The following SCN1A variants were observed in gnomAD, a reference collection of about 807,000 sequenced individuals.
SCN1A encodes sodium voltage-gated channel alpha subunit 1.
SCN1A carries 13 observed loss-of-function variants against 193.7 expected under a neutral mutation model. That is an observed-to-expected ratio of 0.07 (90% CI 0.04 to 0.11). The LOEUF (loss-of-function observed/expected upper bound fraction) is 0.11. Among genes scored for constraint, SCN1A ranks in the 10% least tolerant of loss-of-function variants. The probability of loss-of-function intolerance (pLI) is 1.00; values close to 1 mark genes in which losing one functional copy is unlikely to be tolerated. For synonymous variants in SCN1A, 781 were observed against 843.6 expected (o/e 0.93, Z 1.29); for missense variants, 1,432 against 2,451.1 (o/e 0.58, Z 8.78).
At chr2:166,040,109 G>T (rs1696972609) in intron 16 of SCN1A, among the ~76,000 whole-genome samples, 3 of 151,764 alleles carry the variant, frequency 2.0e-5, no homozygotes, top group Admixed American at 1.3e-4. Context: ...TAGTAGAGAC[G>T]GGGTTTCACC....
intron 6 of SCN1A, among the ~76,000 whole-genome samples, chr2:166,056,165 A>C (rs367881289): frequency 2.0e-5 from 3 of 152,012 alleles, no homozygotes; most frequent in African/African-American, 7.2e-5. Context: ...GTAGATTTTA[A>C]AGAAAAAGGG....
In SCN1A at chr2:166,002,296, T is replaced by C. The variant is rs918817780; in HGVS notation, c.4284+176A>G. ...TCACTACTGACTATATCTGCAGTCCTTACATGTAATAAAGTTTTCACCCAT... is the reference window on the plus strand; with the variant it reads ...TCACTACTGACTATATCTGCAGTCCCTACATGTAATAAAGTTTTCACCCAT... On this transcript the variant is annotated intron_variant, in intron 24 of 28. Coordinates refer to ENST00000674923, the MANE Select transcript of SCN1A (RefSeq NM_001165963.4). 2.0e-5 allele frequency among the ~76,000 whole-genome samples: 3 copies of C among 151,760 alleles called. No homozygotes were observed. The East Asian group carries it at 5.8e-4, about 29-fold the overall frequency.
Position 165,991,143 on chromosome 2 carries a change from T to C in SCN1A, c.*102A>G. On this transcript the variant is annotated 3_prime_UTR_variant, in exon 29 of 29. Transcript: ENST00000674923. ...CTTAAGGAGATTTGTGTAAAAACAG[T>C]CAGTTTGGCATTGACCTCCTAAAGG... 1 of 1,026,006 alleles carries C rather than the reference T, an allele frequency of 9.7e-7. No individual in the cohort carries two copies. 63.6% of individuals were successfully genotyped at this position (1,026,006 alleles called of 1,614,324 possible).
intron 4 of SCN1A, chr2:166,059,625 T>C (rs1683071069): frequency 6.6e-6 from 1 of 152,212 alleles, no homozygotes; most frequent in African/African-American, 2.4e-5. Context: ...AAGAGCATAT[T>C]TGGGGAAGGA....
chr2:166,042,471 T>A (rs1249173689), intron 14 of SCN1A, 47 bp from the exon 15 acceptor site: 2 of 1,590,648 alleles, frequency 1.3e-6, no homozygotes, highest in African/African-American at 2.7e-5. Context: ...TTGAGCAATA[T>A]GACAAGCAAA....
At chr2:166,055,796 A>G (rs1699071827) in intron 6 of SCN1A, among the ~76,000 whole-genome samples, 1 of 152,026 alleles carries the variant, frequency 6.6e-6, no homozygotes, top group African/African-American at 2.4e-5. Context: ...TATCCCCAGA[A>G]CAGAGAGATC....
intron 1 of SCN1A, among the ~76,000 whole-genome samples, chr2:166,137,896 G>A (rs1306178433): frequency 6.6e-6 from 1 of 152,184 alleles, no homozygotes; most frequent in African/African-American, 2.4e-5. Context: ...CCAAAATGCT[G>A]ATAATGATAT....
At chr2:166,056,090 G>A (rs1393893563) in intron 6 of SCN1A, among the ~76,000 whole-genome samples, 5 of 151,976 alleles carry the variant, frequency 3.3e-5, no homozygotes, top group Non-Finnish European at 5.9e-5. Context: ...GAATTTAACT[G>A]GAACCAATGT....
chr2:166,073,250 G>T, intron 4 of SCN1A, 108 bp downstream of exon 4: 1 of 1,327,112 alleles, frequency 7.5e-7, no homozygotes, highest in Non-Finnish European at 1.1e-6. Flanking sequence ...TTCTTAAACA[G>T]AAGGATACTT....
chr2:166,035,574 T>C (rs1696221942), intron 19 of SCN1A, among the ~76,000 whole-genome samples: 1 of 152,194 alleles, frequency 6.6e-6, no homozygotes, highest in Admixed American at 6.5e-5. Context: ...TTGAAAATAT[T>C]GTACATCAAA....
chr2:166,062,786 A>T (rs1380939677), intron 4 of SCN1A, among the ~76,000 whole-genome samples: 3 of 152,130 alleles, frequency 2.0e-5, no homozygotes, highest in Non-Finnish European at 4.4e-5. Flanking sequence ...GTGACTTTTT[A>T]AAAACTTTTT....
intron 2 of SCN1A, among the ~76,000 whole-genome samples, chr2:166,103,090 G>A (rs1032679922): frequency 7.5e-6 from 1 of 133,450 alleles, no homozygotes; most frequent in African/African-American, 2.7e-5. Flanking sequence ...TATATATGAC[G>A]GTTTCTGTTC....
intron 24 of SCN1A, among the ~76,000 whole-genome samples, chr2:166,000,937 TG>T (rs1690743282): frequency 6.6e-6 from 1 of 151,400 alleles, no homozygotes; most frequent in African/African-American, 2.4e-5. Context: ...AATAGCTTTG[TG>T]CAGGACCATC....
At chr2:166,128,094 C>T (rs989184311), upstream of SCN1A, 2 of 150,196 alleles carry the variant, frequency 1.3e-5, no homozygotes, top group African/African-American at 2.4e-5. Flanking sequence ...TACATTACAT[C>T]GCCATCTAGT....
intron 2 of SCN1A, among the ~76,000 whole-genome samples, chr2:166,113,540 A>G (rs1178424923): frequency 1.4e-5 from 2 of 144,378 alleles, no homozygotes; most frequent in Admixed American, 7.4e-5. Context: ...TTTAGCTTGA[A>G]CAACCGATAT....
chr2:166,079,609 T>C (rs915864841), intron 2 of SCN1A, among the ~76,000 whole-genome samples: 4 of 150,806 alleles, frequency 2.7e-5, no homozygotes, highest in Non-Finnish European at 4.4e-5. Flanking sequence ...GTCCATGAAG[T>C]TGTGTGAATG....
chr2:166,104,083 A>G (rs1471681129), intron 2 of SCN1A, among the ~76,000 whole-genome samples: 1 of 152,234 alleles, frequency 6.6e-6, no homozygotes, highest in Non-Finnish European at 1.5e-5. Context: ...AAATAAAACT[A>G]AATTTAGTTA....
At chr2:166,105,479 C>A (rs909810962) in intron 2 of SCN1A, among the ~76,000 whole-genome samples, 1 of 152,086 alleles carries the variant, frequency 6.6e-6, no homozygotes, top group Non-Finnish European at 1.5e-5. Context: ...TCAGTGAAAC[C>A]CTTTATATTA....
At chr2:165,998,929 T>C (rs1202325515) in intron 25 of SCN1A, 1 of 151,466 alleles carries the variant, frequency 6.6e-6, no homozygotes, top group Non-Finnish European at 1.5e-5. Flanking sequence ...TCAAGAAAGA[T>C]AACATCAAAC....
Sources: allele counts gnomAD v4.1 joint callset (sites outside exome capture counted in the v4.1 genomes callset), GRCh38; gene constraint gnomAD v4.1.1; transcripts MANE v1.5; gene names NCBI Gene and HGNC (gene_info 2026-07-23, HGNC 2026-07-21).